RAD51B: variants seen among roughly 807,000 people sequenced by gnomAD.
The protein encoded by RAD51B is RAD51 paralog B.
RAD51B carries 38 observed loss-of-function variants against 42.2 expected under a neutral mutation model. The ratio of observed to expected loss-of-function variants is 0.90; its 90% CI spans 0.70 to 1.18. The LOEUF (loss-of-function observed/expected upper bound fraction) is 1.18, where lower values mean the gene tolerates loss of function less well. Ranked by LOEUF, RAD51B falls within the 50% of genes most tolerant of loss-of-function variation. RAD51B has a pLI of 0.00. For synonymous variants in RAD51B, 154 were observed against 145.2 expected, an observed-to-expected ratio of 1.06 and a Z score of -0.43; for missense variants, 373 against 400.7, an observed-to-expected ratio of 0.93 and a Z score of 0.59.
At chr14:67,898,875 A>T (rs867930040) in intron 7 of RAD51B, among the ~76,000 whole-genome samples, 8 of 152,170 alleles carry the variant, frequency 5.3e-5, no homozygotes, top group South Asian at 2.1e-4. Context: ...CTGTGGTTTA[A>T]AGGTTTTATT....
intron 11 of RAD51B, among the ~76,000 whole-genome samples, chr14:68,680,982 A>G (rs909522356): frequency 6.6e-6 from 1 of 152,062 alleles, no homozygotes; most frequent in Non-Finnish European, 1.5e-5. Context: ...GCAACACATC[A>G]CTTCACAGCT....
At chr14:68,594,387 C>A in intron 10 of RAD51B, 1 of 1,165,352 alleles carries the variant, frequency 8.6e-7, no homozygotes, top group Admixed American at 2.3e-5. Flanking sequence ...AACTCTCCAT[C>A]AGGTCTTCCT....
At chr14:68,057,688 G>A (rs2076499610) in intron 7 of RAD51B, among the ~76,000 whole-genome samples, 1 of 151,980 alleles carries the variant, frequency 6.6e-6, no homozygotes, top group African/African-American at 2.4e-5. Flanking sequence ...GCTGGTTTCT[G>A]TATTTTTTCT....
At chr14:68,191,944 G>T (rs1302204608) in intron 7 of RAD51B, among the ~76,000 whole-genome samples, 2 of 152,128 alleles carry the variant, frequency 1.3e-5, no homozygotes, top group Non-Finnish European at 2.9e-5. Context: ...AGTCTGACTA[G>T]TTAGCTTTAT....
chr14:68,111,740 G>T (rs1446076575), intron 7 of RAD51B, among the ~76,000 whole-genome samples: 4 of 152,048 alleles, frequency 2.6e-5, no homozygotes, highest in Non-Finnish European at 4.4e-5. Flanking sequence ...GTTGCCAGAA[G>T]TGCCACCTGG....
intron 7 of RAD51B, among the ~76,000 whole-genome samples, chr14:68,019,735 A>G (rs2075833520): frequency 6.6e-6 from 1 of 152,186 alleles, no homozygotes. Context: ...AGTTAAGATT[A>G]GGATGACTGC....
At chr14:67,874,563 T>C (rs1267530833) in intron 5 of RAD51B, among the ~76,000 whole-genome samples, 1 of 152,142 alleles carries the variant, frequency 6.6e-6, no homozygotes, top group African/African-American at 2.4e-5. Flanking sequence ...AGCCTGGCGC[T>C]AACCAGACTG....
chr14:68,266,343 A>G (rs748571915), intron 7 of RAD51B, among the ~76,000 whole-genome samples: 1 of 152,256 alleles, frequency 6.6e-6, no homozygotes, highest in Non-Finnish European at 1.5e-5. Context: ...TTGGAGCACC[A>G]CAGAGTATCA....
chr14:68,630,413 G>A (rs1221165246), intron 10 of RAD51B, among the ~76,000 whole-genome samples: 1 of 151,924 alleles, frequency 6.6e-6, no homozygotes, highest in African/African-American at 2.4e-5. Flanking sequence ...AGCCACATCT[G>A]GGAAGGTGTG....
intron 9 of RAD51B, among the ~76,000 whole-genome samples, chr14:68,428,493 T>C (rs1366684712): frequency 1.3e-5 from 2 of 151,936 alleles, no homozygotes; most frequent in Admixed American, 1.3e-4. Flanking sequence ...ATTGCATAAC[T>C]GAAACGGTGT....
chr14:68,658,310 C>A (rs148929826), intron 11 of RAD51B, among the ~76,000 whole-genome samples: 189 of 152,346 alleles, frequency 1.2e-3, no homozygotes, highest in African/African-American at 4.2e-3. Context: ...GACCGAGAAT[C>A]TGGGGCTCAG....
chr14:68,385,632 A>G (rs976888786), intron 8 of RAD51B, among the ~76,000 whole-genome samples: 1 of 152,212 alleles, frequency 6.6e-6, no homozygotes, highest in African/African-American at 2.4e-5. Flanking sequence ...TTCTGAGAGT[A>G]GTTGCTCATA....
At chr14:68,479,380 G>A (rs1196464948), downstream of RAD51B, among the ~76,000 whole-genome samples, 1 of 152,172 alleles carries the variant, frequency 6.6e-6, no homozygotes, top group Non-Finnish European at 1.5e-5. Context: ...GAAGGCCGTT[G>A]TCACCTTCCC....
rs985246505 is a variant in RAD51B, at chr14:68,066,544, G to A, written c.756+179340G>A. On this transcript the variant is annotated intron_variant, in intron 7 of 10. Coordinates refer to ENST00000471583, the MANE Select transcript of RAD51B (RefSeq NM_133510.4). ...AAACATAATAAAGGGAGAAATCTAC[G>A]AAAGTATTAATAATGCATTGACAAA... 6.6e-5 allele frequency among the ~76,000 whole-genome samples: 10 copies of A among 152,092 alleles called. No individual in the cohort carries two copies. The South Asian group carries it at 1.0e-3, about 16-fold the overall frequency.
intron 8 of RAD51B, among the ~76,000 whole-genome samples, chr14:68,335,296 CAAAAAA>C (rs768281887): frequency 2.3e-5 from 1 of 43,176 alleles, no homozygotes; most frequent in African/African-American, 8.0e-5. Flanking sequence ...GACCCTGTGT[CAAAAAA>C]AAAAAAAAAA....
chr14:68,268,373 C>T (rs985862075), intron 7 of RAD51B, among the ~76,000 whole-genome samples: 2 of 152,210 alleles, frequency 1.3e-5, no homozygotes, highest in Non-Finnish European at 1.5e-5. Flanking sequence ...CACTTCCTCC[C>T]ATGTACATTT....
In RAD51B at chr14:67,822,739, C is replaced by CTA. The variant is rs889717156; in HGVS notation, c.-2-793_-2-792dup. ...CCTGTCTCGCTCTCTCTCTCTCTCT[C>CTA]TATATATATATTTAAAAAGAACATT... On this transcript the variant is annotated intron_variant, in intron 1 of 10. Coordinates refer to ENST00000471583, the MANE Select transcript of RAD51B (RefSeq NM_133510.4). 4.0e-4 allele frequency among the ~76,000 whole-genome samples: 59 copies of CTA among 149,226 alleles called. No individual in the cohort carries two copies. In the South Asian group the frequency reaches 7.2e-3, roughly 18 times the overall value.
intron 7 of RAD51B, among the ~76,000 whole-genome samples, chr14:67,900,381 G>A (rs1321951014): frequency 2.6e-5 from 4 of 152,010 alleles, no homozygotes; most frequent in Non-Finnish European, 5.9e-5. Flanking sequence ...ACCTCTCTTG[G>A]GGAACACATG....
chr14:68,242,915 A>G (rs539957354), intron 7 of RAD51B, among the ~76,000 whole-genome samples: 2 of 152,290 alleles, frequency 1.3e-5, no homozygotes, highest in East Asian at 3.9e-4. Context: ...TGGAGGCCCT[A>G]GAAAGCTTAA....
Sources: gnomAD v4.1 joint callset for allele counts (sites outside exome capture counted in the v4.1 genomes callset) on GRCh38, gnomAD v4.1.1 for gene constraint, MANE v1.5 for transcripts, NCBI Gene and HGNC (gene_info 2026-07-23, HGNC 2026-07-21) for gene names.